The following PDE1C variants were observed in gnomAD, a reference collection of about 807,000 sequenced individuals.
PDE1C encodes the protein dual specificity calcium/calmodulin-dependent 3',5'-cyclic nucleotide phosphodiesterase 1C.
In PDE1C, 62 loss-of-function variants were observed where a neutral mutation model predicts 93.1. The observed-to-expected ratio is 0.67, with a 90% confidence interval of 0.54 to 0.82. The LOEUF is 0.82. Ranked by LOEUF, PDE1C falls within the 40% of genes least tolerant of loss-of-function variation. The pLI is 0.00. For synonymous variants in PDE1C, 325 were observed against 310.1 expected (o/e 1.05, Z -0.50); for missense variants, 742 against 884.6 (o/e 0.84, Z 2.04).
intron 2 of PDE1C, among the ~76,000 whole-genome samples, chr7:32,034,731 T>A (rs975168026): frequency 6.6e-6 from 1 of 152,128 alleles, no homozygotes; most frequent in African/African-American, 2.4e-5. Context: ...AGAGGCAAGG[T>A]AGCATAAGAG....
At chr7:32,296,506 G>A (rs973591652) in intron 1 of PDE1C, among the ~76,000 whole-genome samples, 1 of 152,220 alleles carries the variant, frequency 6.6e-6, no homozygotes, top group African/African-American at 2.4e-5. Flanking sequence ...AGAAAGAAGT[G>A]AATGAATAAA....
chr7:31,868,925 G>A (rs1259860518), intron 6 of PDE1C, among the ~76,000 whole-genome samples: 2 of 151,228 alleles, frequency 1.3e-5, no homozygotes, highest in African/African-American at 2.4e-5. Flanking sequence ...GCCAACCAAG[G>A]ATGCTATATT....
chr7:31,907,545 T>C (rs1245420499), intron 2 of PDE1C, among the ~76,000 whole-genome samples: 2 of 152,186 alleles, frequency 1.3e-5, no homozygotes, highest in Non-Finnish European at 2.9e-5. Context: ...CATCCTTTTG[T>C]TAGGGTAATA....
At chr7:32,214,346 C>T (rs897501579) in intron 1 of PDE1C, among the ~76,000 whole-genome samples, 11 of 152,246 alleles carry the variant, frequency 7.2e-5, no homozygotes, top group African/African-American at 2.6e-4. Context: ...TCTCTTACCC[C>T]TCTCTCCAGG....
intron 1 of PDE1C, among the ~76,000 whole-genome samples, chr7:32,387,048 G>T (rs946749496): frequency 6.6e-6 from 1 of 151,170 alleles, no homozygotes; most frequent in Non-Finnish European, 1.5e-5. Context: ...GTGTCCCTGG[G>T]TACTTAAGAT....
chr7:32,142,876 A>G (rs1369032293), intron 3 of PDE1C, among the ~76,000 whole-genome samples: 2 of 134,002 alleles, frequency 1.5e-5, no homozygotes, highest in South Asian at 2.6e-4. Context: ...GCCTAACCCA[A>G]CACAAAATAT....
intron 1 of PDE1C, among the ~76,000 whole-genome samples, chr7:32,261,309 G>A (rs768889919): frequency 2.6e-5 from 4 of 151,310 alleles, no homozygotes; most frequent in African/African-American, 4.9e-5. Context: ...AACCAGTTCC[G>A]CCATCACCTA....
At chr7:32,130,024 A>G (rs1313069743) in intron 3 of PDE1C, among the ~76,000 whole-genome samples, 1 of 152,120 alleles carries the variant, frequency 6.6e-6, no homozygotes, top group Non-Finnish European at 1.5e-5. Flanking sequence ...ATAATAGTGG[A>G]AACATATTTT....
At chr7:31,663,617 G>C in the PDE1C span, among the ~76,000 whole-genome samples, 1 of 152,134 alleles carries the variant, frequency 6.6e-6, no homozygotes, top group African/African-American at 2.4e-5. Flanking sequence ...TTACTTTTCA[G>C]AGTTCTCAGC....
chr7:32,070,553 G>C (rs1399598947), upstream of PDE1C: 7 of 1,451,324 alleles, frequency 4.8e-6, no homozygotes, highest in Middle Eastern at 2.5e-4. Context: ...CTCCGACTTA[G>C]AGCGGACTCC....
At chr7:31,984,169 C>G (rs1783068590) in intron 2 of PDE1C, among the ~76,000 whole-genome samples, 2 of 152,176 alleles carry the variant, frequency 1.3e-5, no homozygotes, top group South Asian at 4.1e-4. Context: ...AGGAACCAGA[C>G]AGCAGGAGGT....
At chr7:31,981,044 C>G (rs1241567904) in intron 2 of PDE1C, among the ~76,000 whole-genome samples, 1 of 152,166 alleles carries the variant, frequency 6.6e-6, no homozygotes, top group African/African-American at 2.4e-5. Context: ...AGGATGTGGA[C>G]AACTGTGGAG....
At chr7:32,113,568 T>C (rs1798807155) in intron 3 of PDE1C, among the ~76,000 whole-genome samples, 1 of 151,986 alleles carries the variant, frequency 6.6e-6, no homozygotes, top group East Asian at 1.9e-4. Context: ...AGTAATGAAA[T>C]AAATTTCTAA....
chr7:31,643,635 A>G, the PDE1C span: 1 of 1,614,052 alleles, frequency 6.2e-7, no homozygotes, highest in East Asian at 2.2e-5. Flanking sequence ...CAAAAGCAAG[A>G]CAGTTAAATG....
the PDE1C span, among the ~76,000 whole-genome samples, chr7:31,721,486 T>G: frequency 6.6e-6 from 1 of 152,206 alleles, no homozygotes; most frequent in Non-Finnish European, 1.5e-5. Context: ...GGCTACTGCA[T>G]TGGGCACCAC....
chr7:31,654,431 T>C, the PDE1C span, among the ~76,000 whole-genome samples: 1 of 152,084 alleles, frequency 6.6e-6, no homozygotes, highest in Admixed American at 6.5e-5. Flanking sequence ...TTTCCAAGGG[T>C]AATGGAAAGC....
chr7:32,288,079 G>A (rs369699171), intron 1 of PDE1C, among the ~76,000 whole-genome samples: 24 of 152,214 alleles, frequency 1.6e-4, no homozygotes, highest in Non-Finnish European at 2.8e-4. Flanking sequence ...ACTTGAACCC[G>A]GAAGGCAGAG....
chr7:31,807,708 G>A (rs543292388), intron 16 of PDE1C, among the ~76,000 whole-genome samples: 27 of 152,022 alleles, frequency 1.8e-4, no homozygotes, highest in South Asian at 4.1e-4. Flanking sequence ...AGTTGACAGC[G>A]TTCCTCCACT....
intron 17 of PDE1C, among the ~76,000 whole-genome samples, chr7:31,759,073 T>C (rs1794666825): frequency 6.6e-6 from 1 of 152,162 alleles, no homozygotes; most frequent in South Asian, 2.1e-4. Flanking sequence ...ATAGGTAGAC[T>C]CCCCACTGAG....
Sources: gnomAD v4.1 joint callset for allele counts (sites outside exome capture counted in the v4.1 genomes callset) on GRCh38, gnomAD v4.1.1 for gene constraint, MANE v1.5 for transcripts, NCBI Gene and HGNC (gene_info 2026-07-23, HGNC 2026-07-21) for gene names.